TAFA1: variants seen among roughly 807,000 people sequenced by gnomAD.
TAFA1 encodes chemokine-like protein TAFA-1.
TAFA1 carries 4 observed loss-of-function variants against 18.5 expected under a neutral mutation model. That is an observed-to-expected ratio of 0.22 (90% CI 0.11 to 0.49). The LOEUF (loss-of-function observed/expected upper bound fraction) is 0.49, where lower values mean the gene tolerates loss of function less well. TAFA1 is among the 20% of genes least tolerant of loss of function. The pLI, the probability that TAFA1 is intolerant of heterozygous loss-of-function variation, is 0.98. For synonymous variants in TAFA1, 56 were observed against 55.2 expected, an observed-to-expected ratio of 1.01 and a Z score of -0.06; for missense variants, 147 against 169.0, an observed-to-expected ratio of 0.87 and a Z score of 0.72.
chr3:68,376,735 T>C (rs1264201980), intron 2 of TAFA1, among the ~76,000 whole-genome samples: 1 of 152,310 alleles, frequency 6.6e-6, no homozygotes, highest in East Asian at 1.9e-4. Flanking sequence ...TGTGTCTTTG[T>C]GATAGAATGA....
intron 3 of TAFA1, among the ~76,000 whole-genome samples, chr3:68,527,837 T>C (rs560441289): frequency 1.5e-5 from 2 of 134,604 alleles, no homozygotes; most frequent in African/African-American, 5.6e-5. Flanking sequence ...AAGGAAATTA[T>C]ACCACATTTA....
chr3:68,431,681 T>C (rs1004454797), intron 3 of TAFA1, among the ~76,000 whole-genome samples: 1 of 151,996 alleles, frequency 6.6e-6, no homozygotes, highest in African/African-American at 2.4e-5. Flanking sequence ...AGAAACACTG[T>C]GACTTGGAAC....
chr3:68,357,391 C>G (rs1428099345), intron 2 of TAFA1, among the ~76,000 whole-genome samples: 1 of 148,118 alleles, frequency 6.8e-6, no homozygotes, highest in Non-Finnish European at 1.5e-5. Context: ...GAAAAAAAAA[C>G]TAGGATTAAT....
intron 2 of TAFA1, among the ~76,000 whole-genome samples, chr3:68,076,549 T>G (rs1450014324): frequency 6.8e-6 from 1 of 147,504 alleles, no homozygotes; most frequent in Non-Finnish European, 1.5e-5. Flanking sequence ...CGAGTGAGAA[T>G]ATGCGGTGTT....
At position 68,174,410 on chromosome 3, in the gene TAFA1, A is replaced by G. The variant is rs907756694; in HGVS notation, c.118+167666A>G. On this transcript the variant is annotated intron_variant, in intron 2 of 4. Transcript: ENST00000478136. ...TGTGGGAAAGTTTGGAACTTCCTGG[A>G]GACTTGTTGAATGACTTTGACAAAA... 5.9e-5 allele frequency among the ~76,000 whole-genome samples: 9 copies of G among 152,156 alleles called. No individual in the cohort carries two copies. The East Asian group carries it at 9.7e-4, about 16-fold the overall frequency.
chr3:68,367,672 T>C (rs892766709), intron 2 of TAFA1, among the ~76,000 whole-genome samples: 5 of 152,128 alleles, frequency 3.3e-5, no homozygotes, highest in African/African-American at 9.7e-5. Flanking sequence ...ATTTTAAAAA[T>C]CTAGTCCAAC....
intron 2 of TAFA1, among the ~76,000 whole-genome samples, chr3:68,238,064 A>G (rs899933269): frequency 3.9e-5 from 6 of 152,096 alleles, no homozygotes; most frequent in African/African-American, 1.4e-4. Context: ...ACTGAAACCT[A>G]ACGTTCACTG....
rs189945607 is a variant in TAFA1 at position 68,391,507 on chromosome 3, G to T, written c.119-25773G>T. 3.8e-3 allele frequency among the ~76,000 whole-genome samples: 575 copies of T among 152,216 alleles called. 2 individuals carry two copies. Among genetic ancestry groups the T allele is most frequent in the Middle Eastern group, 0.017 (5 of 294 alleles). ...AACATTCAAATTCAGGAAATGCAGA[G>T]AACACCACAAAGATAATCCTCAAGA... is the stretch of plus-strand genomic sequence containing the variant. On this transcript the variant is annotated intron_variant, in intron 2 of 4. Transcript: ENST00000478136.
At chr3:68,494,201 A>T (rs2072502392) in intron 3 of TAFA1, among the ~76,000 whole-genome samples, 1 of 152,074 alleles carries the variant, frequency 6.6e-6, no homozygotes, top group African/African-American at 2.4e-5. Flanking sequence ...TCCTGGGCTC[A>T]AGTGATTCTC....
chr3:68,376,664 A>C (rs1053191550), intron 2 of TAFA1, among the ~76,000 whole-genome samples: 1 of 152,258 alleles, frequency 6.6e-6, no homozygotes, highest in East Asian at 1.9e-4. Flanking sequence ...CATGAGGGGC[A>C]TTTAAGTTGA....
intron 2 of TAFA1, among the ~76,000 whole-genome samples, chr3:68,070,253 T>C (rs57244751): frequency 0.019 from 2,921 of 152,340 alleles, 103 homozygotes; most frequent in African/African-American, 0.067. Flanking sequence ...CAGTTCTTGA[T>C]GTCTGTGCAA....
intron 2 of TAFA1, among the ~76,000 whole-genome samples, chr3:68,386,855 A>G (rs2070115889): frequency 1.3e-5 from 2 of 152,102 alleles, no homozygotes; most frequent in South Asian, 2.1e-4. Flanking sequence ...GAAATATATT[A>G]TATGCATAAG....
intron 1 of TAFA1, among the ~76,000 whole-genome samples, chr3:68,005,430 T>G (rs1463291819): frequency 1.3e-5 from 2 of 152,224 alleles, no homozygotes; most frequent in Non-Finnish European, 2.9e-5. Flanking sequence ...CTAAAATCCT[T>G]CCAAGACTGC....
At chr3:68,095,088 G>A (rs771612775) in intron 2 of TAFA1, among the ~76,000 whole-genome samples, 1 of 152,116 alleles carries the variant, frequency 6.6e-6, no homozygotes, top group East Asian at 1.9e-4. Context: ...GTAGCATTCT[G>A]GTTCTTTGTC....
intron 2 of TAFA1, among the ~76,000 whole-genome samples, chr3:68,146,940 T>G (rs1050511760): frequency 6.6e-6 from 1 of 151,916 alleles, no homozygotes; most frequent in South Asian, 2.1e-4. Flanking sequence ...GGCTGGAAAT[T>G]TGGAGATGCT....
At chr3:68,247,079 T>C (rs1405902141) in intron 2 of TAFA1, among the ~76,000 whole-genome samples, 1 of 152,154 alleles carries the variant, frequency 6.6e-6, no homozygotes, top group Non-Finnish European at 1.5e-5. Context: ...GATGTATTAT[T>C]ATTAATACCT....
chr3:68,509,312 C>T (rs1235629578), intron 3 of TAFA1, among the ~76,000 whole-genome samples: 1 of 151,996 alleles, frequency 6.6e-6, no homozygotes, highest in Admixed American at 6.6e-5. Context: ...CATGTCCATC[C>T]TACCCTGCGT....
intron 2 of TAFA1, among the ~76,000 whole-genome samples, chr3:68,176,866 G>T (rs1265002199): frequency 6.6e-6 from 1 of 152,150 alleles, no homozygotes; most frequent in Non-Finnish European, 1.5e-5. Flanking sequence ...CAGCACAAAA[G>T]CTCAACCTGG....
rs147759496 is a variant in TAFA1, at chr3:68,058,192, G to A, written c.118+51448G>A. Among the ~76,000 whole-genome samples the A allele has an allele frequency of 5.1e-4, 78 of 152,226 alleles. 2 individuals are homozygous for A. In the East Asian group the frequency reaches 0.012, roughly 24 times the overall value. On this transcript the variant is annotated intron_variant, in intron 2 of 4. Transcript: ENST00000478136. Reference sequence around the variant, plus strand: ...AAGTTCACAGCTCTATCACTTACTCGCTATGTGGCCTTGAGAAAGTTATGC... The same window carrying A: ...AAGTTCACAGCTCTATCACTTACTCACTATGTGGCCTTGAGAAAGTTATGC...
Sources: allele counts gnomAD v4.1 joint callset (sites outside exome capture counted in the v4.1 genomes callset), GRCh38; gene constraint gnomAD v4.1.1; transcripts MANE v1.5; gene names NCBI Gene and HGNC (gene_info 2026-07-23, HGNC 2026-07-21).